The following LHFPL6 variants were observed in gnomAD, a reference collection of about 807,000 sequenced individuals.
LHFPL6 encodes LHFPL tetraspan subfamily member 6.
LHFPL6 carries 9 observed loss-of-function variants against 20.6 expected under a neutral mutation model. That is an observed-to-expected ratio of 0.44 (90% confidence interval 0.26 to 0.76). LHFPL6 has a LOEUF of 0.76. LHFPL6 is among the 30% of genes least tolerant of loss of function. The pLI is 0.20. For missense variants in LHFPL6, 218 were observed against 253.5 expected (o/e 0.86, Z 0.95); for synonymous variants, 105 against 98.7 (o/e 1.06, Z -0.38).
At chr13:39,445,052 T>G (rs1872249537) in intron 2 of LHFPL6, among the ~76,000 whole-genome samples, 3 of 152,220 alleles carry the variant, frequency 2.0e-5, no homozygotes, top group Non-Finnish European at 4.4e-5. Context: ...AGAAGTGAAT[T>G]CAGTCCTCTC....
chr13:39,465,580 C>T (rs946438036), intron 2 of LHFPL6, among the ~76,000 whole-genome samples: 10 of 152,108 alleles, frequency 6.6e-5, no homozygotes, highest in African/African-American at 2.2e-4. Context: ...CTAGGGGAAG[C>T]GTTCAGAGTT....
chr13:39,345,720 C>A (rs1358158392), intron 3 of LHFPL6, among the ~76,000 whole-genome samples: 1 of 151,916 alleles, frequency 6.6e-6, no homozygotes, highest in East Asian at 1.9e-4. Context: ...GCATAGATAA[C>A]CTTTCATAAA....
chr13:39,353,866 G>T (rs1342343671), intron 3 of LHFPL6, among the ~76,000 whole-genome samples: 1 of 152,140 alleles, frequency 6.6e-6, no homozygotes, highest in African/African-American at 2.4e-5. Context: ...ATGTGCCCTG[G>T]GGGTGAGGTG....
intron 2 of LHFPL6, among the ~76,000 whole-genome samples, chr13:39,433,562 C>T (rs578188647): frequency 6.6e-6 from 1 of 152,252 alleles, no homozygotes; most frequent in Admixed American, 6.5e-5. Context: ...TACATCTGTT[C>T]AAAGTCAGTG....
intron 3 of LHFPL6, among the ~76,000 whole-genome samples, chr13:39,352,990 A>ATATATATAAT (rs1263177836): frequency 3.6e-5 from 3 of 84,270 alleles, no homozygotes; most frequent in African/African-American, 1.5e-4. Context: ...TATATATATA[A>ATATATATAAT]TTTTTTTTTT....
At chr13:39,567,612 C>G (rs1269661351) in intron 2 of LHFPL6, among the ~76,000 whole-genome samples, 1 of 152,146 alleles carries the variant, frequency 6.6e-6, no homozygotes, top group Non-Finnish European at 1.5e-5. Context: ...CCTTTTCCTT[C>G]CTCTCCTCTT....
intron 2 of LHFPL6, among the ~76,000 whole-genome samples, chr13:39,508,271 C>T (rs1253416475): frequency 6.6e-6 from 1 of 152,084 alleles, no homozygotes; most frequent in Non-Finnish European, 1.5e-5. Context: ...GTGATCCACC[C>T]GCCTGGGCCT....
chr13:39,560,504 C>CTTTTTTTTTTTTTT (rs376446144), intron 2 of LHFPL6, among the ~76,000 whole-genome samples: 5 of 118,178 alleles, frequency 4.2e-5, no homozygotes, highest in African/African-American at 6.2e-5. Flanking sequence ...TGCAAATTCT[C>CTTTTTTTTTTTTTT]TTTTTTTTTT....
At chr13:39,352,179 G>A (rs1869585906) in intron 3 of LHFPL6, among the ~76,000 whole-genome samples, 1 of 152,182 alleles carries the variant, frequency 6.6e-6, no homozygotes, top group South Asian at 2.1e-4. Context: ...AAATAAGCTT[G>A]CTTGAGGAAC....
chr13:39,391,472 G>A (rs74044046), intron 2 of LHFPL6, among the ~76,000 whole-genome samples: 53 of 152,204 alleles, frequency 3.5e-4, no homozygotes, highest in African/African-American at 1.2e-3. Flanking sequence ...AGGATTATAA[G>A]GATTTATGTG....
chr13:39,428,341 AT>A (rs60459343), intron 2 of LHFPL6, among the ~76,000 whole-genome samples: 4,295 of 152,340 alleles, frequency 0.028, 175 homozygotes, highest in African/African-American at 0.09. Flanking sequence ...TCAACTGGAC[AT>A]GAAGCTTCTT....
At chr13:39,460,954 T>C (rs1038912246) in intron 2 of LHFPL6, among the ~76,000 whole-genome samples, 2 of 152,308 alleles carry the variant, frequency 1.3e-5, no homozygotes, top group Non-Finnish European at 2.9e-5. Flanking sequence ...GCATAATACC[T>C]GATAGGTAGT....
intron 2 of LHFPL6, among the ~76,000 whole-genome samples, chr13:39,403,855 T>C (rs894669495): frequency 2.0e-5 from 3 of 152,218 alleles, no homozygotes; most frequent in African/African-American, 7.2e-5. Context: ...TCCCTTAGGC[T>C]TGAATCCCGT....
At chr13:39,408,521 C>A (rs910925652) in intron 2 of LHFPL6, among the ~76,000 whole-genome samples, 5 of 152,224 alleles carry the variant, frequency 3.3e-5, no homozygotes, top group African/African-American at 1.2e-4. Context: ...GTTCTTATTA[C>A]AGGAAACTAA....
intron 3 of LHFPL6, among the ~76,000 whole-genome samples, chr13:39,346,186 G>C (rs917131535): frequency 6.6e-6 from 1 of 152,164 alleles, no homozygotes; most frequent in Non-Finnish European, 1.5e-5. Flanking sequence ...ACGCAAGACA[G>C]AGCTAAGGGA....
chr13:39,598,264 T>C (rs887040230), intron 2 of LHFPL6, among the ~76,000 whole-genome samples: 1 of 140,376 alleles, frequency 7.1e-6, no homozygotes, highest in African/African-American at 2.7e-5. Context: ...ATGAACAAGC[T>C]ACCTAGGGAA....
At chr13:39,410,500 T>G (rs559826161) in intron 2 of LHFPL6, among the ~76,000 whole-genome samples, 20 of 152,340 alleles carry the variant, frequency 1.3e-4, no homozygotes, top group Non-Finnish European at 2.1e-4. Context: ...ATCTAGGATC[T>G]AAACACATAC....
chr13:39,474,601 A>G (rs1184719812), intron 2 of LHFPL6, among the ~76,000 whole-genome samples: 1 of 152,190 alleles, frequency 6.6e-6, no homozygotes, highest in African/African-American at 2.4e-5. Flanking sequence ...TTAATTTAAA[A>G]ATACTCTTAG....
chr13:39,385,381 A>G (rs551781493), intron 2 of LHFPL6, among the ~76,000 whole-genome samples: 7 of 152,334 alleles, frequency 4.6e-5, no homozygotes, highest in Admixed American at 2.0e-4. Context: ...CAGTGGAATG[A>G]CCTCTAAGGA....
Sources: gnomAD v4.1 joint callset for allele counts (sites outside exome capture counted in the v4.1 genomes callset) on GRCh38, gnomAD v4.1.1 for gene constraint, MANE v1.5 for transcripts, NCBI Gene and HGNC (gene_info 2026-07-23, HGNC 2026-07-21) for gene names.